KLC2: variants seen among roughly 807,000 people sequenced by gnomAD.
The protein encoded by KLC2 is KLC 2.
Under a neutral mutation model 75.1 loss-of-function variants are expected in KLC2, and 35 were observed. That is an observed-to-expected ratio of 0.47 (90% CI 0.36 to 0.62). KLC2 has a LOEUF of 0.62. Ranked by LOEUF, KLC2 falls within the 20% of genes least tolerant of loss-of-function variation. KLC2 has a pLI of 0.00. For missense variants in KLC2, 611 were observed against 833.2 expected (o/e 0.73, Z 3.28); for synonymous variants, 314 against 336.7 (o/e 0.93, Z 0.74).
At position 66,267,521 on chromosome 11, in the gene KLC2, C is replaced by T. The variant is rs1279997408; in HGVS notation, c.*565C>T. On this transcript the variant is annotated 3_prime_UTR_variant, in exon 16 of 16. Transcript: ENST00000394067. ...TCCCAAGGGGGTCCTGGGACCTTCT[C>T]GCGCTCCTCCTGGCCTCTGAGGGAT... 22 of 669,490 alleles carry T rather than the reference C, an allele frequency of 3.3e-5. No individual in the cohort carries two copies. The South Asian group carries it at 3.5e-4, about 11-fold the overall frequency. 41.5% of individuals were successfully genotyped at this position (669,490 alleles called of 1,614,324 possible).
rs1159765643 is a variant in KLC2 at position 66,267,061 on chromosome 11, CCT to C, written c.*106_*107del. 3.8e-6 allele frequency: 6 copies of C among 1,570,154 alleles called. No homozygotes were observed. The highest frequency in any genetic ancestry group is 2.3e-5 in the East Asian group (1 of 42,668). On this transcript the variant is annotated 3_prime_UTR_variant, in exon 16 of 16. Transcript: ENST00000394067. ...TGTCCCGCCTGTCTCTCCCACAGCC[CCT>C]GTCTTTTCTGTTCAATCTCAGGGTA...
intron 2 of KLC2, 106 bp downstream of exon 2, chr11:66,258,928 C>G: frequency 1.3e-6 from 1 of 780,784 alleles, no homozygotes; most frequent in South Asian, 1.7e-5. Context: ...CCGTCTGTTT[C>G]CTGGAGCCCC....
intron 3 of KLC2, 49 bp from the exon 4 acceptor site, chr11:66,262,074 G>A (rs756776522): frequency 6.3e-6 from 10 of 1,597,264 alleles, no homozygotes; most frequent in East Asian, 4.5e-5. Flanking sequence ...TGGACACCCC[G>A]GCTGCCCTGT....
At chr11:66,244,833 C>T in the KLC2 span, 2 of 152,338 alleles carry the variant, frequency 1.3e-5, no homozygotes, top group African/African-American at 2.4e-5. Flanking sequence ...GAAAATCCAC[C>T]AGGAACGTAG....
intron 2 of KLC2, chr11:66,261,440 C>T (rs971543418): frequency 1.8e-4 from 59 of 327,238 alleles, no homozygotes; most frequent in East Asian, 1.7e-3. Flanking sequence ...CAGGGAGAGA[C>T]GAAGGAAGGG....
chr11:66,265,869 A>T lies in KLC2; in HGVS notation c.1459A>T (p.Ser487Cys). ...CCTCCCTCAGGGTTTGGACCCCGCA[A>T]GCCAGACCAAGGTGGTAGAACTGCT... ...RNRKQGLDPA[S>C]QTKVVELLKD... Residue 487 changes from serine (S) to cysteine (C), a missense_variant, in exon 13 of 16, where the codon AGC becomes TGC. Coordinates refer to ENST00000394067, the MANE Select transcript of KLC2 (RefSeq NM_001318734.2). 6.3e-7 allele frequency: 1 copy of T among 1,575,378 alleles called. No individual in the cohort carries two copies. The highest frequency in any genetic ancestry group is 1.7e-5 in the Admixed American group (1 of 57,606).
intron 2 of KLC2, among the ~76,000 whole-genome samples, chr11:66,259,140 A>G (rs1353991152): frequency 6.6e-6 from 1 of 152,168 alleles, no homozygotes; most frequent in African/African-American, 2.4e-5. Flanking sequence ...TAATTCTTCT[A>G]TTCACTCGTT....
chr11:66,263,789 C>T (rs767400902), intron 6 of KLC2, 42 bp downstream of exon 6: 18 of 1,600,314 alleles, frequency 1.1e-5, no homozygotes, highest in Non-Finnish European at 1.5e-5. Context: ...GTGCCCCATC[C>T]CCTGCAGGTC....
Position 66,258,728 on chromosome 11 carries a change from C to T in KLC2, c.134C>T (p.Pro45Leu). The change falls in exon 2 of 16, where the codon CCT (proline) becomes CTT (leucine). Residue 45 changes from proline (P) to leucine (L), a missense_variant. Pro to Leu is a moderately conservative substitution (Grantham distance 98, BLOSUM62 -3). Coordinates refer to ENST00000394067, the MANE Select transcript of KLC2 (RefSeq NM_001318734.2). ...HRALLAPLVA[P>L]EAGEAEPGSQ... is the part of the protein sequence containing the mutation. The stretch of plus-strand genomic sequence containing the variant: ...GCCCTGCTGGCTCCTCTGGTTGCAC[C>T]TGAGGCCGGCGAAGCCGAGCCTGGC... 6.2e-7 allele frequency: 1 copy of T among 1,613,468 alleles called. No homozygotes were observed. The highest frequency in any genetic ancestry group is 8.5e-7 in the Non-Finnish European group (1 of 1,180,014).
chr11:66,265,142 C>T, intron 10 of KLC2, 26 bp from the exon 11 acceptor site: 2 of 1,611,618 alleles, frequency 1.2e-6, no homozygotes, highest in Non-Finnish European at 1.7e-6. Context: ...CCTGCTCTCA[C>T]TTCTTGTGAC....
At chr11:66,261,685 C>T (rs879244705) in intron 2 of KLC2, 57 bp from the exon 3 acceptor site, 5 of 1,179,570 alleles carry the variant, frequency 4.2e-6, no homozygotes, top group Admixed American at 3.7e-5. Context: ...GCCCAGGCTA[C>T]AGTCATAGGC....
At chr11:66,247,731 G>A in the KLC2 span, among the ~76,000 whole-genome samples, 1 of 151,632 alleles carries the variant, frequency 6.6e-6, no homozygotes, top group African/African-American at 2.4e-5. Context: ...GTTTTTCCCT[G>A]TTGTATCCTT....
rs1856759560 is a variant in KLC2 at position 66,265,502 on chromosome 11, G to T, written c.1335-153G>T. The stretch of plus-strand genomic sequence containing the variant: ...GGGGTGATTTCCCCAGGACAGAAGA[G>T]GCTGGGTGGGCCCAGCACAGGGCTT... On this transcript the variant is annotated intron_variant, in intron 11 of 15. Coordinates refer to ENST00000394067, the MANE Select transcript of KLC2 (RefSeq NM_001318734.2). The T allele has an allele frequency of 1.1e-5, 8 of 718,858 alleles. No homozygotes were observed. In the South Asian group the frequency reaches 1.5e-4, roughly 14 times the overall value. 44.5% of individuals were successfully genotyped at this position (718,858 alleles called of 1,614,324 possible).
the KLC2 span, among the ~76,000 whole-genome samples, chr11:66,247,626 CT>C: frequency 0.23 from 34,003 of 147,182 alleles, 4,502 homozygotes; most frequent in South Asian, 0.46. Flanking sequence ...TCCAACCCCT[CT>C]TTTTTTTTTT....
upstream of KLC2, chr11:66,257,347 A>G (rs1016209916): frequency 6.6e-6 from 1 of 152,138 alleles, no homozygotes; most frequent in Non-Finnish European, 1.5e-5. Context: ...GCATTAAGTC[A>G]ATGAACCCAG....
In KLC2 at chr11:66,266,544, G is replaced by C. The variant is rs771991499; in HGVS notation, c.1785+54G>C. On this transcript the variant is annotated intron_variant, in intron 15 of 15. Transcript: ENST00000394067. ...GGCAGCTGCGGCCGGGGCTGCATGC[G>C]TGCTGCCAAGCTTCCCTCCAGCATG... The C allele has an allele frequency of 8.6e-6, 13 of 1,507,410 alleles. No homozygotes were observed. The Admixed American group carries it at 1.5e-4, about 17-fold the overall frequency. 93.4% of individuals were successfully genotyped at this position (1,507,410 alleles called of 1,614,324 possible). A position where few individuals can be genotyped will look rare whatever the true frequency, so the allele number is the denominator to read the frequency against.
the KLC2 span, among the ~76,000 whole-genome samples, chr11:66,251,633 A>T: frequency 2.0e-5 from 3 of 151,930 alleles, no homozygotes; most frequent in African/African-American, 7.3e-5. Flanking sequence ...TTAGCCAGGC[A>T]TGGTGGCGCA....
intron 5 of KLC2, 141 bp downstream of exon 5, chr11:66,263,177 T>C (rs1041997016): frequency 1.2e-5 from 8 of 641,260 alleles, no homozygotes; most frequent in Non-Finnish European, 2.2e-5. Context: ...CTGTCTAGTG[T>C]AAGAGAGAGG....
upstream of KLC2, among the ~76,000 whole-genome samples, chr11:66,256,688 A>G (rs1856050916): frequency 6.6e-6 from 1 of 152,246 alleles, no homozygotes; most frequent in African/African-American, 2.4e-5. Context: ...AACCATTGGC[A>G]GAGCACAGGT....
Sources: gnomAD v4.1 joint callset for allele counts (sites outside exome capture counted in the v4.1 genomes callset) on GRCh38, gnomAD v4.1.1 for gene constraint, MANE v1.5 for transcripts, NCBI Gene and HGNC (gene_info 2026-07-23, HGNC 2026-07-21) for gene names.